ELMO1: variants seen among roughly 807,000 people sequenced by gnomAD.
The protein encoded by ELMO1 is engulfment and cell motility 1.
In ELMO1, 26 loss-of-function variants were observed where a neutral mutation model predicts 98.9. That is an observed-to-expected ratio of 0.26 (90% CI 0.19 to 0.36). The LOEUF is 0.36. Ranked by LOEUF, ELMO1 falls within the 10% of genes least tolerant of loss-of-function variation. The pLI is 1.00. For synonymous variants in ELMO1, 346 were observed against 346.0 expected (o/e 1.00, Z 0.00); for missense variants, 627 against 935.2 (o/e 0.67, Z 4.30).
intron 13 of ELMO1, among the ~76,000 whole-genome samples, chr7:37,149,360 C>T (rs1021954870): frequency 2.0e-5 from 3 of 152,226 alleles, no homozygotes; most frequent in Non-Finnish European, 4.4e-5. Flanking sequence ...CCAACACATA[C>T]ATAGCAGTCA....
intron 16 of ELMO1, among the ~76,000 whole-genome samples, chr7:36,951,319 G>A (rs1268534223): frequency 6.6e-6 from 1 of 152,210 alleles, no homozygotes; most frequent in African/African-American, 2.4e-5. Flanking sequence ...GAGCCTATCT[G>A]ATTTAATCCC....
chr7:37,159,037 G>A (rs964291491), intron 13 of ELMO1, among the ~76,000 whole-genome samples: 2 of 152,132 alleles, frequency 1.3e-5, no homozygotes, highest in African/African-American at 4.8e-5. Context: ...ATCATTCTCA[G>A]CAAAATTATC....
chr7:36,904,162 A>T (rs976952931), intron 16 of ELMO1, among the ~76,000 whole-genome samples: 1 of 152,270 alleles, frequency 6.6e-6, no homozygotes, highest in Non-Finnish European at 1.5e-5. Flanking sequence ...AGAGCTGGGC[A>T]GCAATGAGTG....
At chr7:37,223,706 C>T (rs1584833134) in intron 9 of ELMO1, among the ~76,000 whole-genome samples, 1 of 152,152 alleles carries the variant, frequency 6.6e-6, no homozygotes, top group Non-Finnish European at 1.5e-5. Context: ...AGAGAAGCTA[C>T]CTTACATTAT....
intron 1 of ELMO1, among the ~76,000 whole-genome samples, chr7:37,349,189 G>C (rs2131288804): frequency 6.6e-6 from 1 of 152,328 alleles, no homozygotes; most frequent in Middle Eastern, 3.4e-3. Flanking sequence ...TTCCTCACCA[G>C]AAAAGCTGTC....
At chr7:37,117,682 G>GA (rs1785697549) in intron 14 of ELMO1, among the ~76,000 whole-genome samples, 1 of 152,112 alleles carries the variant, frequency 6.6e-6, no homozygotes, top group Non-Finnish European at 1.5e-5. Context: ...TTTAAAACAT[G>GA]AAAAAATCCT....
At chr7:37,109,638 A>C (rs1344668537) in intron 14 of ELMO1, among the ~76,000 whole-genome samples, 2 of 152,110 alleles carry the variant, frequency 1.3e-5, no homozygotes, top group African/African-American at 4.8e-5. Flanking sequence ...CAGAAAAGGA[A>C]ACTGACTCGT....
Position 37,259,268 on chromosome 7 carries a change from C to G in ELMO1, c.326G>C (p.Ser109Thr), listed in dbSNP as rs1795857488. The change falls in exon 6 of 22, where the codon AGC (serine) becomes ACC (threonine). Residue 109 changes from serine (S) to threonine (T), a missense_variant. Ser to Thr is a moderately conservative substitution (Grantham distance 58). Around this residue, in one of 3 missense-constraint regions of ELMO1, gnomAD observed 123 missense variants for 171.2 expected, o/e 0.72. Transcript: ENST00000310758. ...AKLEALKDLASLSRDVTFAQE... is the reference protein window; with the variant it reads ...AKLEALKDLATLSRDVTFAQE... Reference sequence around the variant, plus strand: ...GGCAAACGTGACATCCCGGGAGAGGCTGGCCAAGTCCTTCAGGGCTTCCAG... The same window carrying G: ...GGCAAACGTGACATCCCGGGAGAGGGTGGCCAAGTCCTTCAGGGCTTCCAG... 5 of 1,614,158 alleles carry G rather than the reference C, an allele frequency of 3.1e-6. No individual in the cohort carries two copies. The highest frequency in any genetic ancestry group is 1.6e-4 in the Middle Eastern group (1 of 6,062).
At position 36,997,408 on chromosome 7, in the gene ELMO1, T is replaced by C. The variant is rs1792301742; in HGVS notation, c.1437+15891A>G. Among the ~76,000 whole-genome samples, 3 of 152,160 alleles carry C rather than the reference T, an allele frequency of 2.0e-5. No homozygotes were observed. In the South Asian group the frequency reaches 6.2e-4, roughly 32 times the overall value. On this transcript the variant is annotated intron_variant, in intron 16 of 21. Transcript: ENST00000310758. Reference sequence around the variant, plus strand: ...ACAGAGACTGGGGCTGAGATAATGGTGCAGGAAAGTGGAGTCACAGCATTA... The same window carrying C: ...ACAGAGACTGGGGCTGAGATAATGGCGCAGGAAAGTGGAGTCACAGCATTA...
At chr7:37,395,228 G>A (rs13438007) in intron 1 of ELMO1, among the ~76,000 whole-genome samples, 17,115 of 151,992 alleles carry the variant, frequency 0.11, 1,078 homozygotes, top group African/African-American at 0.15. Context: ...TTAGCTGGGC[G>A]TAGTAGTGCA....
intron 15 of ELMO1, among the ~76,000 whole-genome samples, chr7:37,045,050 C>G (rs1274178602): frequency 6.6e-6 from 1 of 152,164 alleles, no homozygotes; most frequent in Admixed American, 6.5e-5. Flanking sequence ...TTACTAGCAT[C>G]GTCAATAGAG....
chr7:37,298,368 A>C (rs1798165732), intron 4 of ELMO1, among the ~76,000 whole-genome samples: 1 of 141,930 alleles, frequency 7.0e-6, no homozygotes, highest in East Asian at 2.1e-4. Context: ...TTAGTTACAT[A>C]TGTATACATG....
At position 36,953,034 on chromosome 7, in the gene ELMO1, C is replaced by T. The variant is rs564912764; in HGVS notation, c.1438-58017G>A. ...TCGCCCCAGCTAAAGTACAGTGGCG[C>T]GATCTCGGCTCAGGGCAAGCTCCCG... On this transcript the variant is annotated intron_variant, in intron 16 of 21. Transcript: ENST00000310758. 6.2e-5 allele frequency among the ~76,000 whole-genome samples: 9 copies of T among 144,728 alleles called. No individual in the cohort carries two copies. In the South Asian group the frequency reaches 6.6e-4, roughly 11 times the overall value. 94.9% of individuals were successfully genotyped at this position (144,728 alleles called of 152,430 possible).
intron 16 of ELMO1, among the ~76,000 whole-genome samples, chr7:36,914,310 G>A (rs542966908): frequency 6.6e-6 from 1 of 152,172 alleles, no homozygotes; most frequent in Non-Finnish European, 1.5e-5. Context: ...TTACTTGTAT[G>A]TGTTAGGGCT....
At chr7:37,106,217 G>A (rs1204325435) in intron 14 of ELMO1, among the ~76,000 whole-genome samples, 20 of 152,170 alleles carry the variant, frequency 1.3e-4, no homozygotes. Context: ...GCTATGGTTT[G>A]AATGATGGTG....
chr7:37,281,657 A>T (rs1249743660), intron 4 of ELMO1, among the ~76,000 whole-genome samples: 1 of 152,204 alleles, frequency 6.6e-6, no homozygotes, highest in African/African-American at 2.4e-5. Context: ...CATTTTTACT[A>T]TGATCCCAAG....
intron 16 of ELMO1, among the ~76,000 whole-genome samples, chr7:36,906,280 C>A (rs964564388): frequency 6.6e-6 from 1 of 152,130 alleles, no homozygotes; most frequent in Non-Finnish European, 1.5e-5. Context: ...CGTCAAGATT[C>A]TGTGATATAT....
intron 4 of ELMO1, among the ~76,000 whole-genome samples, chr7:37,291,625 G>C (rs1367506677): frequency 6.6e-6 from 1 of 152,180 alleles, no homozygotes; most frequent in Non-Finnish European, 1.5e-5. Flanking sequence ...GCAAATTAAA[G>C]ACACGTAGGC....
intron 16 of ELMO1, among the ~76,000 whole-genome samples, chr7:36,923,018 C>G (rs1785267707): frequency 6.6e-6 from 1 of 152,198 alleles, no homozygotes; most frequent in African/African-American, 2.4e-5. Context: ...GTCTGGAAGG[C>G]TGTGTCTAGA....
Sources: allele counts gnomAD v4.1 joint callset (sites outside exome capture counted in the v4.1 genomes callset), GRCh38; gene constraint gnomAD v4.1.1; regional missense constraint gnomAD v4.1.1; transcripts MANE v1.5; gene names NCBI Gene and HGNC (gene_info 2026-07-23, HGNC 2026-07-21).